The following LRIG2 variants were observed in gnomAD, a reference collection of about 807,000 sequenced individuals.
The protein encoded by LRIG2 is leucine-rich repeats and immunoglobulin-like domains protein 2.
LRIG2 carries 93 observed loss-of-function variants against 107.8 expected under a neutral mutation model. The observed-to-expected ratio is 0.86, with a 90% CI of 0.73 to 1.03. The LOEUF is 1.03. Ranked by LOEUF, LRIG2 falls within the 50% of genes least tolerant of loss-of-function variation. LRIG2 has a pLI of 0.00. For missense variants in LRIG2, 1,226 were observed against 1,296.0 expected (o/e 0.95, Z 0.83); for synonymous variants, 471 against 470.6 (o/e 1.00, Z -0.01).
In LRIG2 at chr1:113,107,168, A is replaced by AT. The variant is rs1485754815; in HGVS notation, c.1314-420dup. 2.6e-5 allele frequency among the ~76,000 whole-genome samples: 4 copies of AT among 152,244 alleles called. No homozygotes were observed. The South Asian group carries it at 8.3e-4, about 32-fold the overall frequency. On this transcript the variant is annotated intron_variant, in intron 11 of 17. Coordinates refer to ENST00000361127, the MANE Select transcript of LRIG2 (RefSeq NM_014813.3). ...TTCACCTCTAAATATCTCAGCATGT[A>AT]TTTTTTAAGAACAAGTACATTTTCT...
rs568192882 is a variant in LRIG2 at position 113,073,474 on chromosome 1, G to A, written c.68G>A (p.Arg23Gln). The A allele has an allele frequency of 2.5e-5, 40 of 1,614,128 alleles. 1 individual carries two copies. The South Asian group carries it at 2.9e-4, about 12-fold the overall frequency. Reference sequence around the variant, plus strand: ...GGGTGTCGATCTAGAGTGCTTTCTCGGTTACTCTTCATTGCCCAGACCGCT... The same window carrying A: ...GGGTGTCGATCTAGAGTGCTTTCTCAGTTACTCTTCATTGCCCAGACCGCT... ...LLGCRSRVLS[R>Q]LLFIAQTALL... The change falls in exon 1 of 18, where the codon CGG becomes CAG. Residue 23 changes from arginine to glutamine, a missense_variant. By Grantham distance (43) the Arg-to-Gln change is conservative (BLOSUM62 1). This residue lies in a region of LRIG2 where 570 missense variants were observed against 550.2 expected (regional missense o/e 1.04). Coordinates refer to ENST00000361127, the MANE Select transcript of LRIG2 (RefSeq NM_014813.3).
At chr1:113,086,000 G>GTTTTTTTTTTTTTT in intron 1 of LRIG2, among the ~76,000 whole-genome samples, 1 of 65,022 alleles carries the variant, frequency 1.5e-5, no homozygotes, top group East Asian at 4.7e-4. Flanking sequence ...TAACCCTGAG[G>GTTTTTTTTTTTTTT]TTTTTTTTTT....
intron 9 of LRIG2, among the ~76,000 whole-genome samples, chr1:113,099,018 C>A (rs906623030): frequency 6.6e-6 from 1 of 151,962 alleles, no homozygotes; most frequent in Non-Finnish European, 1.5e-5. Flanking sequence ...ACAACCTCTG[C>A]CTCCTAGGTC....
rs757325977 is a variant in LRIG2 at position 113,119,551 on chromosome 1, TG to T, written c.2971+29del. ...AAGGGATGTATTTTTGTTGTTATTT[TG>T]TTTTTACTTTCGTCTAATTGACTCT... is the stretch of plus-strand genomic sequence containing the variant. On this transcript the variant is annotated intron_variant, in intron 17 of 17. Coordinates refer to ENST00000361127, the MANE Select transcript of LRIG2 (RefSeq NM_014813.3). The T allele has an allele frequency of 1.5e-5, 24 of 1,603,084 alleles. No individual in the cohort carries two copies. In the African/African-American group the frequency reaches 3.0e-4, roughly 20 times the overall value.
rs1652810306 is a variant in LRIG2, at chr1:113,073,607, G to A, written c.201G>A (p.Arg67=). 1.2e-6 allele frequency: 2 copies of A among 1,613,564 alleles called. No individual in the cohort carries two copies. Among genetic ancestry groups the A allele is most frequent in the Non-Finnish European group, 1.7e-6 (2 of 1,179,998 alleles). Residue 67 remains arginine (R), a synonymous_variant, in exon 1 of 18, where the codon AGG becomes AGA. Coordinates refer to ENST00000361127, the MANE Select transcript of LRIG2 (RefSeq NM_014813.3). ...GGAAATTGCCCGCACCGAGCTGGAGGGCGCTGTCGGGCTTGCTGCCCCCCG... is the reference window on the plus strand; with the variant it reads ...GGAAATTGCCCGCACCGAGCTGGAGAGCGCTGTCGGGCTTGCTGCCCCCCG... ...SRRKLPAPSW[R]ALSGLLPPDT...
intron 1 of LRIG2, among the ~76,000 whole-genome samples, chr1:113,086,005 T>G (rs1342719440): frequency 1.4e-5 from 2 of 143,938 alleles, no homozygotes; most frequent in African/African-American, 2.6e-5. Flanking sequence ...CTGAGGTTTT[T>G]TTTTTTTTTT....
rs547308893 is a variant in LRIG2 at position 113,092,323 on chromosome 1, T to C, written c.306-883T>C. Among the ~76,000 whole-genome samples, 6 of 152,332 alleles carry C rather than the reference T, an allele frequency of 3.9e-5. No homozygotes were observed. The South Asian group carries it at 1.2e-3, about 32-fold the overall frequency. ...TTAATGAAATGTGATTGTATTAGAT[T>C]TGCTACTAAAACATTTGAGACAAAC... is the stretch of plus-strand genomic sequence containing the variant. On this transcript the variant is annotated intron_variant, in intron 2 of 17. Transcript: ENST00000361127.
intron 1 of LRIG2, among the ~76,000 whole-genome samples, chr1:113,090,692 G>T (rs1653766929): frequency 6.6e-6 from 1 of 151,370 alleles, no homozygotes; most frequent in South Asian, 2.1e-4. Context: ...AAAAAAATTA[G>T]CCGGGCGTGG....
Position 113,112,700 on chromosome 1 carries a change from A to G in LRIG2, c.2020A>G (p.Ser674Gly). The G allele has an allele frequency of 6.8e-6, 11 of 1,613,298 alleles. No individual in the cohort carries two copies. The highest frequency in any genetic ancestry group is 9.3e-6 in the Non-Finnish European group (11 of 1,179,240). ...NVKIEDMGIY[S>G]CMAQNTAGGL... Reference sequence around the variant, plus strand: ...GAAAATAGAAGATATGGGAATCTATAGCTGCATGGCACAAAATACAGCAGG... The same window carrying G: ...GAAAATAGAAGATATGGGAATCTATGGCTGCATGGCACAAAATACAGCAGG... Residue 674 changes from serine (S) to glycine (G), a missense_variant, in exon 14 of 18, where the codon AGC (serine) becomes GGC (glycine). Physicochemically the swap from Ser to Gly is moderately conservative, Grantham distance 56. This residue lies in a region of LRIG2 where 642 missense variants were observed against 712.2 expected (regional missense o/e 0.90). Transcript: ENST00000361127.
chr1:113,080,691 T>A, intron 1 of LRIG2, among the ~76,000 whole-genome samples: 1 of 152,126 alleles, frequency 6.6e-6, no homozygotes, highest in Non-Finnish European at 1.5e-5. Context: ...TTCTGGTCTT[T>A]TAACTATCTT....
intron 16 of LRIG2, among the ~76,000 whole-genome samples, chr1:113,117,555 C>T (rs1655071685): frequency 6.6e-6 from 1 of 152,256 alleles, no homozygotes; most frequent in South Asian, 2.1e-4. Flanking sequence ...ACGATCTCAG[C>T]TCACTGCAAC....
intron 16 of LRIG2, 90 bp downstream of exon 16, chr1:113,116,526 T>G: frequency 1.6e-6 from 2 of 1,250,674 alleles, no homozygotes; most frequent in South Asian, 3.1e-5. Flanking sequence ...TCTGAAGCAA[T>G]ATTTTAAAGT....
intron 1 of LRIG2, among the ~76,000 whole-genome samples, chr1:113,079,856 A>G (rs1653177437): frequency 6.9e-6 from 1 of 145,340 alleles, no homozygotes; most frequent in Non-Finnish European, 1.5e-5. Flanking sequence ...CAGCCTCCCA[A>G]GTAGCTGGGA....
chr1:113,121,554 C>G (rs188852082), intron 17 of LRIG2, among the ~76,000 whole-genome samples: 89 of 152,002 alleles, frequency 5.9e-4, no homozygotes, highest in African/African-American at 2.1e-3. Flanking sequence ...CCAGCCTGAC[C>G]AACATGGTGA....
chr1:113,075,212 C>CA (rs199671689), intron 1 of LRIG2, among the ~76,000 whole-genome samples: 40,441 of 142,776 alleles, frequency 0.28, 6,590 homozygotes, highest in Middle Eastern at 0.42. Flanking sequence ...AACTCTGTCT[C>CA]AAAAAAAAAA....
chr1:113,126,388 G>T lies in LRIG2; in HGVS notation c.*2287G>T. On this transcript the variant is annotated 3_prime_UTR_variant, in exon 18 of 18. Coordinates refer to ENST00000361127, the MANE Select transcript of LRIG2 (RefSeq NM_014813.3). Reference sequence around the variant, plus strand: ...AGTCTTCTCTGACCTCTGGTAAGTGGAACTTTCATTAATACTTCTGTCGCA... The same window carrying T: ...AGTCTTCTCTGACCTCTGGTAAGTGTAACTTTCATTAATACTTCTGTCGCA... The T allele has an allele frequency of 6.0e-6, 1 of 165,966 alleles. No homozygotes were observed. The highest frequency in any genetic ancestry group is 1.7e-4 in the South Asian group (1 of 5,880). The allele number at this position is 165,966 out of a possible 1,614,324, so 10.3% of individuals were successfully genotyped here.
chr1:113,104,890 G>A (rs1654468000), intron 11 of LRIG2, among the ~76,000 whole-genome samples: 1 of 152,160 alleles, frequency 6.6e-6, no homozygotes, highest in African/African-American at 2.4e-5. Context: ...GCTCATGTCT[G>A]TAATCCCAGT....
chr1:113,073,604 G>C lies in LRIG2; in HGVS notation c.198G>C (p.Trp66Cys), dbSNP rs901435130. ...GCAGGAAATTGCCCGCACCGAGCTGGAGGGCGCTGTCGGGCTTGCTGCCCC... is the reference window on the plus strand; with the variant it reads ...GCAGGAAATTGCCCGCACCGAGCTGCAGGGCGCTGTCGGGCTTGCTGCCCC... ...CSRRKLPAPS[W>C]RALSGLLPPD... The change falls in exon 1 of 18, where the codon TGG (tryptophan) becomes TGC (cysteine). Residue 66 changes from tryptophan (W) to cysteine (C), a missense_variant. By Grantham distance (215) the Trp-to-Cys change is radical. Coordinates refer to ENST00000361127, the MANE Select transcript of LRIG2 (RefSeq NM_014813.3). 1.9e-6 allele frequency: 3 copies of C among 1,613,736 alleles called. No individual in the cohort carries two copies. The highest frequency in any genetic ancestry group is 1.7e-5 in the Admixed American group (1 of 60,026).
At chr1:113,098,004 T>C (rs1420904414) in intron 8 of LRIG2, among the ~76,000 whole-genome samples, 2 of 152,232 alleles carry the variant, frequency 1.3e-5, no homozygotes, top group African/African-American at 2.4e-5. Context: ...AGCTTTGTGC[T>C]TTATTATGAG....
Sources: gnomAD v4.1 joint callset for allele counts (sites outside exome capture counted in the v4.1 genomes callset) on GRCh38, gnomAD v4.1.1 for gene constraint, gnomAD v4.1.1 regional missense constraint, MANE v1.5 for transcripts, NCBI Gene and HGNC (gene_info 2026-07-23, HGNC 2026-07-21) for gene names.